Variants in ANKRD44 observed in about 807,000 individuals in gnomAD.
The protein encoded by ANKRD44 is ankyrin repeat domain 44.
A neutral mutation model predicts 116.0 loss-of-function variants in ANKRD44; 35 were observed. That is an observed-to-expected ratio of 0.30 (90% CI 0.23 to 0.40). The LOEUF is 0.40. ANKRD44 is among the 10% of genes least tolerant of loss of function. ANKRD44 has a pLI of 1.00. For missense variants in ANKRD44, 1,014 were observed against 1,242.6 expected (o/e 0.82, Z 2.77); for synonymous variants, 435 against 461.8 (o/e 0.94, Z 0.74).
chr2:197,133,868 T>C (rs1413007918), intron 4 of ANKRD44: 1 of 152,058 alleles, frequency 6.6e-6, no homozygotes, highest in Non-Finnish European at 1.5e-5. Flanking sequence ...GGAGTTAAGA[T>C]GTCTTCTCCA....
intron 16 of ANKRD44, 109 bp downstream of exon 16, chr2:197,078,594 C>T (rs1397058518): frequency 6.5e-7 from 1 of 1,535,488 alleles, no homozygotes; most frequent in Non-Finnish European, 8.8e-7. Context: ...CATGGACCCA[C>T]TTTTTACACA....
chr2:197,213,062 C>G (rs543381078), intron 1 of ANKRD44, among the ~76,000 whole-genome samples: 2 of 152,164 alleles, frequency 1.3e-5, no homozygotes, highest in Admixed American at 6.5e-5. Context: ...GTGTTGGCCT[C>G]CACAAGGGAT....
At position 197,122,718 on chromosome 2, in the gene ANKRD44, G is replaced by C. The variant is rs760951982; in HGVS notation, c.625C>G (p.Pro209Ala). The C allele has an allele frequency of 1.2e-6, 2 of 1,614,214 alleles. No homozygotes were observed. The highest frequency in any genetic ancestry group is 3.3e-5 in the Admixed American group (2 of 60,030). ...VTCKDKKGYTPLHAAASNGQI... is the reference protein window; with the variant it reads ...VTCKDKKGYTALHAAASNGQI... Reference sequence around the variant, plus strand: ...CCATTGGAGGCTGCAGCATGCAGAGGGGTATAACCCTTCTTATCCTTACAG... The same window carrying C: ...CCATTGGAGGCTGCAGCATGCAGAGCGGTATAACCCTTCTTATCCTTACAG... The change falls in exon 7 of 28, where the codon CCT (proline) becomes GCT (alanine). Residue 209 changes from proline (P) to alanine (A), a missense_variant. Transcript: ENST00000282272.
At chr2:197,133,086 A>C (rs2079129625) in intron 4 of ANKRD44, among the ~76,000 whole-genome samples, 3 of 152,226 alleles carry the variant, frequency 2.0e-5, no homozygotes, top group African/African-American at 7.2e-5. Flanking sequence ...GTTGGGCACC[A>C]GGTAGTGTTG....
chr2:197,173,028 A>C (rs1385482267), intron 2 of ANKRD44, among the ~76,000 whole-genome samples: 1 of 152,246 alleles, frequency 6.6e-6, no homozygotes, highest in Admixed American at 6.5e-5. Context: ...TCCATACTCA[A>C]GTTTAATAAA....
At chr2:197,175,103 C>T (rs2697242) in intron 2 of ANKRD44, among the ~76,000 whole-genome samples, 85,908 of 152,050 alleles carry the variant, frequency 0.56, 28,197 homozygotes, top group East Asian at 0.88. Context: ...TTTTTTTAAA[C>T]GCACTGTCTA....
chr2:197,116,794 C>T (rs773129910), intron 8 of ANKRD44, among the ~76,000 whole-genome samples: 1 of 152,174 alleles, frequency 6.6e-6, no homozygotes, highest in South Asian at 2.1e-4. Flanking sequence ...ACCAGTCTGC[C>T]ATGCTAGAAC....
intron 16 of ANKRD44, among the ~76,000 whole-genome samples, chr2:197,052,263 G>C (rs2077122350): frequency 6.6e-6 from 1 of 152,172 alleles, no homozygotes; most frequent in Admixed American, 6.6e-5. Context: ...GAATAAAATA[G>C]ACAACAGATG....
downstream of ANKRD44, among the ~76,000 whole-genome samples, chr2:196,983,355 C>T (rs928753534): frequency 5.3e-5 from 8 of 152,266 alleles, no homozygotes; most frequent in East Asian, 1.5e-3. Context: ...AATCTTCTGC[C>T]ACCCTCCCTT....
intron 12 of ANKRD44, among the ~76,000 whole-genome samples, chr2:197,088,071 T>C (rs915665636): frequency 6.6e-6 from 1 of 152,124 alleles, no homozygotes; most frequent in African/African-American, 2.4e-5. Flanking sequence ...AACAAGGTCA[T>C]CCAAGAGATG....
At chr2:197,155,735 G>C (rs1255880510) in intron 2 of ANKRD44, among the ~76,000 whole-genome samples, 1 of 152,146 alleles carries the variant, frequency 6.6e-6, no homozygotes, top group Non-Finnish European at 1.5e-5. Flanking sequence ...ACATAGGCAA[G>C]ATCTTTTCAC....
intron 2 of ANKRD44, among the ~76,000 whole-genome samples, chr2:197,181,650 G>A (rs1022398163): frequency 8.5e-5 from 13 of 152,190 alleles, no homozygotes; most frequent in African/African-American, 2.9e-4. Flanking sequence ...CACAAGATAG[G>A]AGAATGGGGC....
At chr2:197,131,153 C>T (rs915096156) in intron 4 of ANKRD44, among the ~76,000 whole-genome samples, 1 of 151,822 alleles carries the variant, frequency 6.6e-6, no homozygotes, top group African/African-American at 2.4e-5. Flanking sequence ...GAATAATATA[C>T]AGAAAGTCCT....
chr2:197,194,986 G>T (rs184298283), intron 1 of ANKRD44, among the ~76,000 whole-genome samples: 1 of 152,212 alleles, frequency 6.6e-6, no homozygotes, highest in East Asian at 1.9e-4. Flanking sequence ...ATAACTGGGT[G>T]GGGGGAGCAT....
rs1012473044 is a variant in ANKRD44, at chr2:196,988,281, C to T, written c.*1310G>A. 2 of 985,324 alleles carry T rather than the reference C, an allele frequency of 2.0e-6. No homozygotes were observed. The highest frequency in any genetic ancestry group is 2.4e-6 in the Non-Finnish European group (2 of 829,944). The allele number at this position is 985,324 out of a possible 1,614,324, so 61.0% of individuals were successfully genotyped here. On this transcript the variant is annotated 3_prime_UTR_variant, in exon 28 of 28. Coordinates refer to ENST00000282272, the MANE Select transcript of ANKRD44 (RefSeq NM_001195144.2). Reference sequence around the variant, plus strand: ...GAAAAAGACACCGCAGCATATTGTGCTTCTTCAACACTGAACCTCTCTTAA... The same window carrying T: ...GAAAAAGACACCGCAGCATATTGTGTTTCTTCAACACTGAACCTCTCTTAA...
At chr2:197,291,061 T>C (rs1410290787) in intron 1 of ANKRD44, among the ~76,000 whole-genome samples, 6 of 152,170 alleles carry the variant, frequency 3.9e-5, no homozygotes, top group African/African-American at 1.2e-4. Flanking sequence ...AAACAAAGAT[T>C]TGCCAGGCAT....
At position 196,986,883 on chromosome 2, in the gene ANKRD44, C is replaced by T; in HGVS notation, c.*2708G>A. On this transcript the variant is annotated 3_prime_UTR_variant, in exon 28 of 28. Coordinates refer to ENST00000282272, the MANE Select transcript of ANKRD44 (RefSeq NM_001195144.2). The stretch of plus-strand genomic sequence containing the variant: ...CATGACATTTACCAGAGTCATTCAA[C>T]TCCAATTTACATAAGAAAACATTAT... 3 of 985,376 alleles carry T rather than the reference C, an allele frequency of 3.0e-6. No individual in the cohort carries two copies. The highest frequency in any genetic ancestry group is 3.6e-6 in the Non-Finnish European group (3 of 829,888). The allele number at this position is 985,376 out of a possible 1,614,324, so 61.0% of individuals were successfully genotyped here.
intron 1 of ANKRD44, among the ~76,000 whole-genome samples, chr2:197,281,270 G>GA (rs1474552397): frequency 6.6e-6 from 1 of 151,992 alleles, no homozygotes; most frequent in Non-Finnish European, 1.5e-5. Flanking sequence ...ATTTTCTCTA[G>GA]AAAAAATAGA....
chr2:196,991,716 G>C (rs1230689515), intron 27 of ANKRD44, among the ~76,000 whole-genome samples: 1 of 151,838 alleles, frequency 6.6e-6, no homozygotes, highest in Non-Finnish European at 1.5e-5. Context: ...GAGTAGCTGG[G>C]ACTATAGGTG....
Sources: allele counts gnomAD v4.1 joint callset (sites outside exome capture counted in the v4.1 genomes callset), GRCh38; gene constraint gnomAD v4.1.1; transcripts MANE v1.5; gene names NCBI Gene and HGNC (gene_info 2026-07-23, HGNC 2026-07-21).